Variants in AKT2 observed in about 807,000 individuals in gnomAD.
The protein encoded by AKT2 is RAC-beta serine/threonine-protein kinase.
A neutral mutation model predicts 58.6 loss-of-function variants in AKT2; 16 were observed. That is an observed-to-expected ratio of 0.27 (90% CI 0.18 to 0.41). The LOEUF (loss-of-function observed/expected upper bound fraction) is 0.41. AKT2 is among the 10% of genes least tolerant of loss of function. AKT2 has a pLI of 1.00. For missense variants in AKT2, 438 were observed against 661.0 expected (o/e 0.66, Z 3.70); for synonymous variants, 253 against 254.0 (o/e 1.00, Z 0.04).
At chr19:40,271,363 G>A (rs1358616825) in intron 1 of AKT2, among the ~76,000 whole-genome samples, 2 of 146,606 alleles carry the variant, frequency 1.4e-5, no homozygotes, top group Non-Finnish European at 3.0e-5. Context: ...GGAGGTAGAG[G>A]TTGCAGTGAG....
rs1372140396 is a variant in AKT2, at chr19:40,238,252, A to G, written c.709-161T>C. Among the ~76,000 whole-genome samples the G allele has an allele frequency of 6.6e-6, 1 of 151,266 alleles. No homozygotes were observed. Among genetic ancestry groups the G allele is most frequent in the African/African-American group, 2.4e-5 (1 of 41,398 alleles). The stretch of plus-strand genomic sequence containing the variant: ...CAATCAAGGCAGAGCGCAGAAGCTC[A>G]TAAGTGACACAGAGCTGGGGGGAAG... On this transcript the variant is annotated intron_variant, in intron 8 of 13. Coordinates refer to ENST00000392038, the MANE Select transcript of AKT2 (RefSeq NM_001626.6). This position sits in a 1 kb window ranked among gnomAD's most constrained non-coding sequence, Gnocchi z 5.1.
intron 1 of AKT2, among the ~76,000 whole-genome samples, chr19:40,283,536 G>A (rs1191437476): frequency 6.6e-6 from 1 of 152,230 alleles, no homozygotes; most frequent in Non-Finnish European, 1.5e-5. Flanking sequence ...TGCCCCCTCT[G>A]ACCACATCAC....
chr19:40,279,873 G>A (rs1271411311), intron 1 of AKT2, among the ~76,000 whole-genome samples: 1 of 152,084 alleles, frequency 6.6e-6, no homozygotes, highest in African/African-American at 2.4e-5. Context: ...TTGTAAAGCG[G>A]GAATCAGAGA....
At chr19:40,252,276 T>C (rs375540115) in intron 4 of AKT2, among the ~76,000 whole-genome samples, 17 of 152,232 alleles carry the variant, frequency 1.1e-4, no homozygotes, top group African/African-American at 2.6e-4. Flanking sequence ...CACCCACCCA[T>C]AGTTAAGGTC....
Position 40,242,182 on chromosome 19 carries a change from G to A in AKT2, c.442-113C>T. On this transcript the variant is annotated intron_variant, in intron 5 of 13. Transcript: ENST00000392038. The surrounding 1 kb of genome is among the most constrained non-coding windows in gnomAD (Gnocchi z 4.3). ...AAGACACTGTTGCCAAACGGCTTAG[G>A]CTGGAGCAGGAAGGGAGGCTCTGGG... 3 of 1,480,980 alleles carry A rather than the reference G, an allele frequency of 2.0e-6. No individual in the cohort carries two copies. The highest frequency in any genetic ancestry group is 2.8e-6 in the Non-Finnish European group (3 of 1,080,594). 91.7% of individuals were successfully genotyped at this position (1,480,980 alleles called of 1,614,324 possible).
intron 3 of AKT2, among the ~76,000 whole-genome samples, chr19:40,256,569 C>T (rs1017862434): frequency 5.9e-5 from 9 of 152,156 alleles, no homozygotes; most frequent in Admixed American, 1.3e-4. Flanking sequence ...GACCCCTCTA[C>T]GTCCGAGGGA....
At chr19:40,247,973 C>T (rs1451744542) in intron 4 of AKT2, among the ~76,000 whole-genome samples, 1 of 152,174 alleles carries the variant, frequency 6.6e-6, no homozygotes, top group African/African-American at 2.4e-5. Flanking sequence ...GAGCCACGTT[C>T]GCCATACCAA....
At chr19:40,252,103 C>T (rs963571719) in intron 4 of AKT2, among the ~76,000 whole-genome samples, 19 of 152,182 alleles carry the variant, frequency 1.2e-4, no homozygotes, top group African/African-American at 4.3e-4. Flanking sequence ...AAGCAGTCAC[C>T]GACTGGCACC....
At chr19:40,239,355 G>C (rs1974238319) in intron 7 of AKT2, 1 of 244,610 alleles carries the variant, frequency 4.1e-6, no homozygotes, top group South Asian at 5.9e-5. Flanking sequence ...TCAATGACAG[G>C]ATGGACAGGC....
At position 40,252,859 on chromosome 19, in the gene AKT2, C is replaced by T. The variant is rs1014028667; in HGVS notation, c.287+2299G>A. ...CCAGGACCTATACACCCACTGGTCT[C>T]GATCTGTTTTTACTGGCCATTCATG... On this transcript the variant is annotated intron_variant, in intron 4 of 13. Transcript: ENST00000392038. 3.9e-5 allele frequency among the ~76,000 whole-genome samples: 6 copies of T among 152,316 alleles called. No individual in the cohort carries two copies. In the South Asian group the frequency reaches 8.3e-4, roughly 21 times the overall value.
At chr19:40,277,269 C>T (rs2077344056) in intron 1 of AKT2, among the ~76,000 whole-genome samples, 1 of 152,168 alleles carries the variant, frequency 6.6e-6, no homozygotes, top group South Asian at 2.1e-4. Flanking sequence ...CCAACATGCC[C>T]CTACTAACTT....
At chr19:40,252,321 C>G (rs1161335196) in intron 4 of AKT2, among the ~76,000 whole-genome samples, 1 of 152,146 alleles carries the variant, frequency 6.6e-6, no homozygotes, top group Non-Finnish European at 1.5e-5. Context: ...GTCGTTCCAG[C>G]AGTTTTCTCT....
At chr19:40,239,739 A>C (rs561888227) in intron 7 of AKT2, 1 of 574,582 alleles carries the variant, frequency 1.7e-6, no homozygotes, top group South Asian at 1.7e-5. Flanking sequence ...TTCCACTTCA[A>C]CCAGCTGGGC....
In AKT2 at chr19:40,242,470, C is replaced by T. The variant is rs2145206893; in HGVS notation, c.441+64G>A. On this transcript the variant is annotated intron_variant, in intron 5 of 13. Coordinates refer to ENST00000392038, the MANE Select transcript of AKT2 (RefSeq NM_001626.6). This position sits in a 1 kb window ranked among gnomAD's most constrained non-coding sequence, Gnocchi z 4.3. Reference sequence around the variant, plus strand: ...ACTGTGTTATGGAAACCAAGGAGAGCAGGCCAGCACTGGGGGTGGGGGCAC... The same window carrying T: ...ACTGTGTTATGGAAACCAAGGAGAGTAGGCCAGCACTGGGGGTGGGGGCAC... The T allele has an allele frequency of 6.2e-7, 1 of 1,602,814 alleles. No homozygotes were observed. The highest frequency in any genetic ancestry group is 1.1e-5 in the South Asian group (1 of 90,914).
chr19:40,256,903 G>T, intron 3 of AKT2, 23 bp downstream of exon 3: 1 of 1,613,788 alleles, frequency 6.2e-7, no homozygotes, highest in South Asian at 1.1e-5. Context: ...CCAGAACACT[G>T]ACCCACTCAT....
intron 4 of AKT2, among the ~76,000 whole-genome samples, chr19:40,251,110 G>A (rs925282011): frequency 8.6e-5 from 13 of 151,892 alleles, no homozygotes; most frequent in African/African-American, 2.2e-4. Context: ...ATCCTGAGGC[G>A]TAAGGATGGA....
At chr19:40,284,858 G>T (rs971638509) in intron 1 of AKT2, 2 of 223,772 alleles carry the variant, frequency 8.9e-6, no homozygotes, top group Non-Finnish European at 1.7e-5. Context: ...AGCTTAGCCC[G>T]CGCACGCCAG....
intron 4 of AKT2, among the ~76,000 whole-genome samples, chr19:40,250,287 G>A (rs1975059297): frequency 6.6e-6 from 1 of 152,106 alleles, no homozygotes; most frequent in Non-Finnish European, 1.5e-5. Flanking sequence ...CAGATCACCT[G>A]AGGTCAGGAG....
chr19:40,285,307 C>T lies in AKT2; in HGVS notation c.-211G>A, dbSNP rs2077495809. 2 of 394,938 alleles carry T rather than the reference C, an allele frequency of 5.1e-6. No homozygotes were observed. Among genetic ancestry groups the T allele is most frequent in the South Asian group, 1.3e-4 (1 of 7,840 alleles). The allele number at this position is 394,938 out of a possible 1,614,324, so 24.5% of individuals were successfully genotyped here. ...GCGCCGGCAGCGGCAGCGGCGGCGG[C>T]GACGCCTCCTCCGAGGCAGGCCCAA... On this transcript the variant is annotated 5_prime_UTR_variant, in exon 1 of 14. Coordinates refer to ENST00000392038, the MANE Select transcript of AKT2 (RefSeq NM_001626.6).
Sources: gnomAD v4.1 joint callset for allele counts (sites outside exome capture counted in the v4.1 genomes callset) on GRCh38, gnomAD v4.1.1 for gene constraint, Gnocchi (gnomAD v3.1) non-coding constraint, MANE v1.5 for transcripts, NCBI Gene and HGNC (gene_info 2026-07-23, HGNC 2026-07-21) for gene names.